Variants in ANKRD42 observed in about 807,000 individuals in gnomAD.
ANKRD42 encodes the protein ankyrin repeat domain 42.
In ANKRD42, 43 loss-of-function variants were observed where a neutral mutation model predicts 51.5. That is an observed-to-expected ratio of 0.83 (90% CI 0.65 to 1.08). ANKRD42 has a LOEUF of 1.08. Among genes scored for constraint, ANKRD42 ranks in the 50% least tolerant of loss-of-function variants. The probability of loss-of-function intolerance (pLI) is 0.00; values close to 1 mark genes in which losing one functional copy is unlikely to be tolerated. For missense variants in ANKRD42, 608 were observed against 629.3 expected, an observed-to-expected ratio of 0.97 and a Z score of 0.36; for synonymous variants, 203 against 213.0, an observed-to-expected ratio of 0.95 and a Z score of 0.41.
chr11:83,202,086 G>T (rs1214597421), intron 2 of ANKRD42, among the ~76,000 whole-genome samples: 1 of 152,206 alleles, frequency 6.6e-6, no homozygotes, highest in African/African-American at 2.4e-5. Context: ...GTCCAGAATG[G>T]TATTGCCTAG....
At chr11:83,213,487 TTG>T (rs1262377577) in intron 5 of ANKRD42, 60 of 1,357,020 alleles carry the variant, frequency 4.4e-5, no homozygotes, top group Non-Finnish European at 5.5e-5. Flanking sequence ...AAAAATTATT[TTG>T]TGTTAGGCTT....
intron 9 of ANKRD42, among the ~76,000 whole-genome samples, chr11:83,241,723 C>A (rs1342090811): frequency 6.6e-6 from 1 of 152,044 alleles, no homozygotes; most frequent in Non-Finnish European, 1.5e-5. Flanking sequence ...TTTTTCACTA[C>A]AAAATCTCAG....
At position 83,206,065 on chromosome 11, in the gene ANKRD42, A is replaced by G; in HGVS notation, c.230A>G (p.His77Arg). The change falls in exon 3 of 11, where the codon CAT becomes CGT. Residue 77 changes from histidine to arginine, a missense_variant. Physicochemically the swap from His to Arg is conservative, Grantham distance 29. Transcript: ENST00000533342. Reference protein sequence around the residue: ...AAHSGSLECLHWLLWHGADIT... With the variant: ...AAHSGSLECLRWLLWHGADIT... ...ACATGGTTATTTTCTTAGTGTCTTC[A>G]TTGGCTGCTCTGGCATGGAGCTGAT... 1 of 1,612,990 alleles carries G rather than the reference A, an allele frequency of 6.2e-7. No homozygotes were observed. Among genetic ancestry groups the G allele is most frequent in the South Asian group, 1.1e-5 (1 of 90,976 alleles).
Position 83,205,924 on chromosome 11 carries a change from T to C in ANKRD42, c.223-134T>C, listed in dbSNP as rs899038836. 7.3e-6 allele frequency: 5 copies of C among 684,912 alleles called. No individual in the cohort carries two copies. The Admixed American group carries it at 8.4e-5, about 12-fold the overall frequency. The allele number at this position is 684,912 out of a possible 1,614,324, so 42.4% of individuals were successfully genotyped here. A position where few individuals can be genotyped will look rare whatever the true frequency, so the allele number is the denominator to read the frequency against. On this transcript the variant is annotated intron_variant, in intron 2 of 10. Transcript: ENST00000533342. ...ATGTTGGTTGCCATGTCACTGTGCTTGTGCTTTTGTTTTTCTTATACATGG... is the reference window on the plus strand; with the variant it reads ...ATGTTGGTTGCCATGTCACTGTGCTCGTGCTTTTGTTTTTCTTATACATGG...
chr11:83,230,901 T>TATG (rs1863050795), intron 7 of ANKRD42, among the ~76,000 whole-genome samples: 1 of 152,254 alleles, frequency 6.6e-6, no homozygotes, highest in Non-Finnish European at 1.5e-5. Context: ...TATTCTTTTT[T>TATG]ATGGCGGATT....
chr11:83,249,369 GC>G (rs1863635630), downstream of ANKRD42, among the ~76,000 whole-genome samples: 2 of 152,094 alleles, frequency 1.3e-5, no homozygotes, highest in Non-Finnish European at 2.9e-5. Context: ...AACACACCTG[GC>G]CAATTAGTTT....
chr11:83,198,723 C>G (rs1322361071), intron 2 of ANKRD42, 81 bp downstream of exon 2: 5 of 1,318,038 alleles, frequency 3.8e-6, no homozygotes, highest in Non-Finnish European at 5.1e-6. Flanking sequence ...GGGCTGAGAC[C>G]TTATGGTAGG....
chr11:83,212,669 TG>T, intron 5 of ANKRD42: 1 of 1,536,108 alleles, frequency 6.5e-7, no homozygotes, highest in Non-Finnish European at 8.7e-7. Context: ...CTTAGATCCC[TG>T]TGGAGCCTCT....
intron 3 of ANKRD42, among the ~76,000 whole-genome samples, chr11:83,208,915 G>A (rs1440186882): frequency 1.3e-5 from 2 of 152,144 alleles, no homozygotes; most frequent in Non-Finnish European, 2.9e-5. Context: ...CAAAGTGCCA[G>A]GATTACAGGC....
rs753552951 is a variant in ANKRD42 at position 83,194,566 on chromosome 11, G to C, written c.-105G>C. The C allele has an allele frequency of 1.5e-5, 17 of 1,143,220 alleles. No individual in the cohort carries two copies. Among genetic ancestry groups the C allele is most frequent in the Non-Finnish European group, 2.2e-5 (17 of 766,008 alleles). The allele number at this position is 1,143,220 out of a possible 1,614,324, so 70.8% of individuals were successfully genotyped here. A position where few individuals can be genotyped will look rare whatever the true frequency, so the allele number is the denominator to read the frequency against. On this transcript the variant is annotated 5_prime_UTR_variant, in exon 1 of 11. Transcript: ENST00000533342. ...GCCCCGTCCTAGTGACGACGGAGAA[G>C]AGGGCCGCTGCCGCTGCAGTGGCTC...
chr11:83,245,794 G>T (rs1051444), intron 10 of ANKRD42, among the ~76,000 whole-genome samples, 170 bp downstream of exon 10: 8,340 of 152,140 alleles, frequency 0.055, 761 homozygotes, highest in African/African-American at 0.19. Flanking sequence ...TTAAATAATT[G>T]TGATAAAATA....
downstream of ANKRD42, chr11:83,260,821 T>C (rs201028959): frequency 7.2e-5 from 11 of 152,264 alleles, no homozygotes; most frequent in East Asian, 2.1e-3. Context: ...AAAAAATATA[T>C]CTAATAACAA....
downstream of ANKRD42, among the ~76,000 whole-genome samples, chr11:83,250,761 A>G (rs1863660318): frequency 6.6e-6 from 1 of 151,934 alleles, no homozygotes; most frequent in East Asian, 1.9e-4. Flanking sequence ...TGGCATCACT[A>G]TTTTCTCAAC....
At chr11:83,217,817 T>C (rs1353606522) in intron 5 of ANKRD42, among the ~76,000 whole-genome samples, 1 of 152,242 alleles carries the variant, frequency 6.6e-6, no homozygotes, top group Non-Finnish European at 1.5e-5. Flanking sequence ...CAAGCCCTAC[T>C]AGGCAATTGG....
At chr11:83,226,210 TAC>T (rs5793051) in intron 6 of ANKRD42, among the ~76,000 whole-genome samples, 105,579 of 151,030 alleles carry the variant, frequency 0.7, 37,692 homozygotes, top group Middle Eastern at 0.83. Context: ...TATGTACACA[TAC>T]ACACACACAC....
Position 83,210,422 on chromosome 11 carries a change from G to A in ANKRD42, c.450+3G>A. 1.2e-6 allele frequency: 2 copies of A among 1,613,668 alleles called. No homozygotes were observed. The highest frequency in any genetic ancestry group is 1.7e-6 in the Non-Finnish European group (2 of 1,179,706). ...AAATAATGCTCCGAAGTGGAGTGGT[G>A]AGTGACTCCTGTTAATATGTGCTAA... On this transcript the variant is annotated splice_donor_region_variant and intron_variant, in intron 4 of 10. Transcript: ENST00000533342.
At position 83,194,578 on chromosome 11, in the gene ANKRD42, C is replaced by A; in HGVS notation, c.-93C>A. On this transcript the variant is annotated 5_prime_UTR_variant, in exon 1 of 11. Transcript: ENST00000533342. ...TGACGACGGAGAAGAGGGCCGCTGCCGCTGCAGTGGCTCGTGGGTGAGAGC... is the reference window on the plus strand; with the variant it reads ...TGACGACGGAGAAGAGGGCCGCTGCAGCTGCAGTGGCTCGTGGGTGAGAGC... The A allele has an allele frequency of 1.6e-6, 2 of 1,279,644 alleles. No individual in the cohort carries two copies. The highest frequency in any genetic ancestry group is 2.4e-5 in the East Asian group (1 of 42,448). The allele number at this position is 1,279,644 out of a possible 1,614,324, so 79.3% of individuals were successfully genotyped here.
intron 10 of ANKRD42, 139 bp from the exon 11 acceptor site, chr11:83,247,803 GA>G: frequency 1.2e-6 from 1 of 801,950 alleles, no homozygotes; most frequent in Non-Finnish European, 1.9e-6. Flanking sequence ...ATTCTTAGTA[GA>G]CCCTTAATAC....
chr11:83,224,791 A>G (rs776964212), intron 5 of ANKRD42, 64 bp from the exon 6 acceptor site: 24 of 1,288,436 alleles, frequency 1.9e-5, no homozygotes, highest in East Asian at 2.6e-5. Context: ...CTCTAAATAC[A>G]TACATACATA....
Sources: allele counts gnomAD v4.1 joint callset (sites outside exome capture counted in the v4.1 genomes callset), GRCh38; gene constraint gnomAD v4.1.1; transcripts MANE v1.5; gene names NCBI Gene and HGNC (gene_info 2026-07-23, HGNC 2026-07-21).